KCNK10: variants seen among roughly 807,000 people sequenced by gnomAD.
KCNK10 encodes potassium two pore domain channel subfamily K member 10.
KCNK10 carries 25 observed loss-of-function variants against 47.7 expected under a neutral mutation model. The observed-to-expected ratio is 0.52, with a 90% confidence interval of 0.38 to 0.73. The LOEUF is 0.73. Among genes scored for constraint, KCNK10 ranks in the 30% least tolerant of loss-of-function variants. The pLI is 0.00. For synonymous variants in KCNK10, 303 were observed against 285.6 expected, an observed-to-expected ratio of 1.06 and a Z score of -0.61; for missense variants, 563 against 714.5, an observed-to-expected ratio of 0.79 and a Z score of 2.42.
In KCNK10 at chr14:88,207,168, CTTTTTTTT is replaced by C. The variant is rs55711197; in HGVS notation, c.682-14766_682-14759del. ...CTAGTTTCGATTTCAAGGTCACTCT[CTTTTTTTT>C]TTTTTTTTTTTTTTGAGACAGATTC... On this transcript the variant is annotated intron_variant, in intron 4 of 6. Coordinates refer to ENST00000319231, the MANE Select transcript of KCNK10 (RefSeq NM_138317.3). Among the ~76,000 whole-genome samples, 26 of 107,738 alleles carry C rather than the reference CTTTTTTTT, an allele frequency of 2.4e-4. 1 individual carries two copies. Among genetic ancestry groups the C allele is most frequent in the African/African-American group, 8.3e-4 (22 of 26,522 alleles). The allele number at this position is 107,738 out of a possible 152,430, so 70.7% of individuals were successfully genotyped here. A position where few individuals can be genotyped will look rare whatever the true frequency, so the allele number is the denominator to read the frequency against.
chr14:88,263,615 T>C, intron 1 of KCNK10, 64 bp from the exon 2 acceptor site: 1 of 1,408,982 alleles, frequency 7.1e-7, no homozygotes. Flanking sequence ...ACAAAACGTG[T>C]CAGAAACAAA....
intron 3 of KCNK10, among the ~76,000 whole-genome samples, chr14:88,232,963 A>G (rs1473843636): frequency 6.6e-6 from 1 of 152,188 alleles, no homozygotes; most frequent in Non-Finnish European, 1.5e-5. Context: ...TTAAATCAAG[A>G]GTCAGTGGCT....
At chr14:88,205,562 T>TTGG (rs1885244851) in intron 4 of KCNK10, among the ~76,000 whole-genome samples, 1 of 143,746 alleles carries the variant, frequency 7.0e-6, no homozygotes, top group East Asian at 2.2e-4. Flanking sequence ...TTTTTTTTTT[T>TTGG]GAGATGGAGT....
At chr14:88,190,034 T>A (rs1884696265) in intron 5 of KCNK10, among the ~76,000 whole-genome samples, 1 of 152,222 alleles carries the variant, frequency 6.6e-6, no homozygotes, top group Non-Finnish European at 1.5e-5. Flanking sequence ...AAACTGTGGA[T>A]GCCTGGGACT....
chr14:88,310,867 T>C (rs933178584), intron 1 of KCNK10, among the ~76,000 whole-genome samples: 2 of 152,202 alleles, frequency 1.3e-5, no homozygotes, highest in Non-Finnish European at 2.9e-5. Flanking sequence ...GAGAGCCACA[T>C]GCTTCCAAAA....
At chr14:88,234,495 A>ATAGGGG (rs1271979448) in intron 3 of KCNK10, among the ~76,000 whole-genome samples, 4 of 152,194 alleles carry the variant, frequency 2.6e-5, no homozygotes, top group Non-Finnish European at 4.4e-5. Context: ...CGCTAAACCA[A>ATAGGGG]TCGTTAGCCT....
chr14:88,220,654 C>T (rs1885779129), intron 4 of KCNK10, among the ~76,000 whole-genome samples: 1 of 148,982 alleles, frequency 6.7e-6, no homozygotes, highest in African/African-American at 2.5e-5. Flanking sequence ...ACTGAACATA[C>T]ACATGCAAAA....
chr14:88,275,302 C>T (rs1420010907), intron 1 of KCNK10, among the ~76,000 whole-genome samples: 8 of 152,318 alleles, frequency 5.3e-5, no homozygotes, highest in African/African-American at 1.7e-4. Context: ...GACCTGGCTG[C>T]TCCCCCAGTT....
chr14:88,294,555 C>A (rs942513950), intron 1 of KCNK10, among the ~76,000 whole-genome samples: 1 of 152,126 alleles, frequency 6.6e-6, no homozygotes, highest in Non-Finnish European at 1.5e-5. Flanking sequence ...TACAATGTAT[C>A]CAGAGCAATG....
chr14:88,235,006 T>C (rs1273125763), intron 3 of KCNK10: 1 of 435,616 alleles, frequency 2.3e-6, no homozygotes, highest in South Asian at 1.6e-5. Context: ...ACTCTGAACT[T>C]CAAAAGAGAT....
chr14:88,193,378 T>G (rs1221123375), intron 4 of KCNK10, among the ~76,000 whole-genome samples: 1 of 152,114 alleles, frequency 6.6e-6, no homozygotes, highest in Non-Finnish European at 1.5e-5. Context: ...ATCGGTCATA[T>G]TCTCTTTGGA....
At chr14:88,266,976 G>A (rs922807243) in intron 1 of KCNK10, among the ~76,000 whole-genome samples, 1 of 152,186 alleles carries the variant, frequency 6.6e-6, no homozygotes, top group Non-Finnish European at 1.5e-5. Flanking sequence ...CTGTCCATTA[G>A]GGCAGAGTTT....
intron 1 of KCNK10, among the ~76,000 whole-genome samples, chr14:88,303,661 C>G (rs768079560): frequency 6.6e-6 from 1 of 152,034 alleles, no homozygotes; most frequent in Non-Finnish European, 1.5e-5. Context: ...GCAGAAGGGA[C>G]GGCCTTAGGT....
At chr14:88,268,638 A>G (rs1218362979) in intron 1 of KCNK10, among the ~76,000 whole-genome samples, 1 of 152,210 alleles carries the variant, frequency 6.6e-6, no homozygotes. Context: ...AGGCATTAAA[A>G]ATATTTTCCA....
intron 3 of KCNK10, chr14:88,234,902 TAAA>T: frequency 3.3e-6 from 1 of 303,848 alleles, no homozygotes; most frequent in Non-Finnish European, 6.6e-6. Context: ...GAACAAAAAA[TAAA>T]AAGAAGAAGC....
At chr14:88,301,562 A>G (rs778408139) in intron 1 of KCNK10, among the ~76,000 whole-genome samples, 1 of 152,002 alleles carries the variant, frequency 6.6e-6, no homozygotes, top group Middle Eastern at 3.4e-3. Flanking sequence ...GGTTAGAGAA[A>G]GATTCTTGGA....
intron 4 of KCNK10, among the ~76,000 whole-genome samples, chr14:88,204,759 A>G (rs926489268): frequency 2.0e-5 from 3 of 152,094 alleles, no homozygotes; most frequent in African/African-American, 7.2e-5. Context: ...TTTTTGCTTC[A>G]CAGCAAAATT....
At chr14:88,203,123 T>C (rs1229868401) in intron 4 of KCNK10, among the ~76,000 whole-genome samples, 2 of 152,160 alleles carry the variant, frequency 1.3e-5, no homozygotes, top group Non-Finnish European at 2.9e-5. Context: ...GTGGTACCAA[T>C]GTTGGTATGC....
At position 88,186,562 on chromosome 14, in the gene KCNK10, A is replaced by G. The variant is rs992861055; in HGVS notation, c.1012-407T>C. Among the ~76,000 whole-genome samples, 1 of 152,078 alleles carries G rather than the reference A, an allele frequency of 6.6e-6. No homozygotes were observed. Among genetic ancestry groups the G allele is most frequent in the Non-Finnish European group, 1.5e-5 (1 of 68,008 alleles). ...CATATATAGCTCACCTGAGACAAGG[A>G]AATGCACCTCACTCAGTCCTGGGCA... On this transcript the variant is annotated intron_variant, in intron 6 of 6. Coordinates refer to ENST00000319231, the MANE Select transcript of KCNK10 (RefSeq NM_138317.3). The surrounding 1 kb of genome is among the most constrained non-coding windows in gnomAD (Gnocchi z 5.5).
Sources: allele counts gnomAD v4.1 joint callset (sites outside exome capture counted in the v4.1 genomes callset), GRCh38; gene constraint gnomAD v4.1.1; non-coding constraint Gnocchi (gnomAD v3.1); transcripts MANE v1.5; gene names NCBI Gene and HGNC (gene_info 2026-07-23, HGNC 2026-07-21).